Variants in MPPED1 observed in about 807,000 individuals in gnomAD.
MPPED1 encodes the protein metallophosphoesterase domain containing 1, also known as metallophosphoesterase domain-containing protein 1.
In MPPED1, 16 loss-of-function variants were observed where a neutral mutation model predicts 36.2. The ratio of observed to expected loss-of-function variants is 0.44; its 90% CI spans 0.30 to 0.67. The LOEUF (loss-of-function observed/expected upper bound fraction) is 0.67, where lower values mean the gene tolerates loss of function less well. MPPED1 is among the 30% of genes least tolerant of loss of function. MPPED1 has a pLI of 0.10. For missense variants in MPPED1, 307 were observed against 453.4 expected, an observed-to-expected ratio of 0.68 and a Z score of 2.93; for synonymous variants, 199 against 191.3, an observed-to-expected ratio of 1.04 and a Z score of -0.33.
At position 43,445,558 on chromosome 22, in the gene MPPED1, C is replaced by CTTT. The variant is rs135055; in HGVS notation, c.406+10360_406+10362dup. Reference sequence around the variant, plus strand: ...CTATATCTTTGCTGTCTGATGTTTCCTTTTTTTTTTTTTTTTTTTGCAGAC... The same window carrying CTTT: ...CTATATCTTTGCTGTCTGATGTTTCCTTTTTTTTTTTTTTTTTTTTTTGCAGAC... On this transcript the variant is annotated intron_variant, in intron 3 of 6. Transcript: ENST00000443721. Among the ~76,000 whole-genome samples, 453 of 123,816 alleles carry CTTT rather than the reference C, an allele frequency of 3.7e-3. 6 individuals are homozygous for CTTT. The highest frequency in any genetic ancestry group is 0.011 in the East Asian group (44 of 3,942). 81.2% of individuals were successfully genotyped at this position (123,816 alleles called of 152,430 possible). A position where few individuals can be genotyped will look rare whatever the true frequency, so the allele number is the denominator to read the frequency against.
chr22:43,418,069 C>T, intron 1 of MPPED1: 1 of 456,264 alleles, frequency 2.2e-6, no homozygotes, highest in South Asian at 1.5e-5. Flanking sequence ...TTATGCTAGC[C>T]CCCCAGTGAT....
At chr22:43,429,412 G>A (rs1929596342) in intron 2 of MPPED1, among the ~76,000 whole-genome samples, 1 of 152,226 alleles carries the variant, frequency 6.6e-6, no homozygotes, top group Admixed American at 6.5e-5. Context: ...CAACAGATGC[G>A]GTGGCTGCTT....
At chr22:43,444,675 A>AT (rs763675480) in intron 3 of MPPED1, among the ~76,000 whole-genome samples, 6 of 150,976 alleles carry the variant, frequency 4.0e-5, no homozygotes, top group South Asian at 2.1e-4. Context: ...TTATTTCTTT[A>AT]TTTTTTTTGA....
intron 3 of MPPED1, among the ~76,000 whole-genome samples, chr22:43,443,774 A>C (rs1042441478): frequency 1.8e-4 from 28 of 152,170 alleles, no homozygotes; most frequent in Non-Finnish European, 4.4e-5. Context: ...CCTGATTCAG[A>C]CATTTCCAGA....
intron 3 of MPPED1, among the ~76,000 whole-genome samples, chr22:43,443,762 G>A (rs912486814): frequency 2.2e-4 from 34 of 151,974 alleles, no homozygotes; most frequent in African/African-American, 7.2e-4. Context: ...CTGTTGCTAC[G>A]GCCTGATTCA....
At position 43,502,582 on chromosome 22, in the gene MPPED1, G is replaced by A. The variant is rs534825206; in HGVS notation, c.749-62G>A. ...CAGGCTGCAGAAGCTGCTGCTAGGC[G>A]TGGGGCAGTGAGGGGCTGGGACAGA... On this transcript the variant is annotated intron_variant, in intron 5 of 6. Transcript: ENST00000443721. This position sits in a 1 kb window ranked among gnomAD's most constrained non-coding sequence, Gnocchi z 5.5. The A allele has an allele frequency of 1.2e-4, 164 of 1,330,610 alleles. No homozygotes were observed. The highest frequency in any genetic ancestry group is 8.6e-4 in the South Asian group (73 of 85,018). The allele number at this position is 1,330,610 out of a possible 1,614,324, so 82.4% of individuals were successfully genotyped here.
chr22:43,455,912 A>T (rs1175983343), intron 3 of MPPED1, among the ~76,000 whole-genome samples: 4 of 152,174 alleles, frequency 2.6e-5, no homozygotes, highest in Non-Finnish European at 5.9e-5. Flanking sequence ...GTATCCTTTC[A>T]CTGCTCTGGG....
intron 2 of MPPED1, among the ~76,000 whole-genome samples, chr22:43,432,372 AG>A (rs1929729018): frequency 1.7e-5 from 2 of 116,432 alleles, no homozygotes; most frequent in African/African-American, 3.9e-5. Context: ...AAAGGGAGAG[AG>A]AAAGGGAGGA....
At chr22:43,492,864 G>A (rs138426351) in intron 4 of MPPED1, among the ~76,000 whole-genome samples, 543 of 152,288 alleles carry the variant, frequency 3.6e-3, no homozygotes, top group Non-Finnish European at 6.1e-3. Context: ...TGGGGGTTCT[G>A]GGGCTTTTCT....
chr22:43,502,957 A>G lies in MPPED1; in HGVS notation c.862+200A>G, dbSNP rs1016188175. Among the ~76,000 whole-genome samples, 2 of 152,140 alleles carry G rather than the reference A, an allele frequency of 1.3e-5. No homozygotes were observed. The highest frequency in any genetic ancestry group is 2.9e-5 in the Non-Finnish European group (2 of 68,008). Reference sequence around the variant, plus strand: ...TTAATAATAGGAAGATGATCACAACATCCTGCATGACTTAGGGGGTAAATT... The same window carrying G: ...TTAATAATAGGAAGATGATCACAACGTCCTGCATGACTTAGGGGGTAAATT... On this transcript the variant is annotated intron_variant, in intron 6 of 6. Transcript: ENST00000443721. The surrounding 1 kb of genome is among the most constrained non-coding windows in gnomAD (Gnocchi z 5.5).
At position 43,425,010 on chromosome 22, in the gene MPPED1, A is replaced by G. The variant is rs1317273424; in HGVS notation, c.25A>G (p.Ser9Gly). 2 of 1,605,532 alleles carry G rather than the reference A, an allele frequency of 1.2e-6. No homozygotes were observed. Among genetic ancestry groups the G allele is most frequent in the South Asian group, 1.1e-5 (1 of 89,860 alleles). MWRSRWDA[S>G]VLKAEALALL... ...CATGTGGCGCTCTAGGTGGGATGCC[A>G]GCGTCCTGAAGGCGGAGGCCCTGGC... Residue 9 changes from serine (S) to glycine (G), a missense_variant, in exon 2 of 7, where the codon AGC becomes GGC. By Grantham distance (56) the Ser-to-Gly change is moderately conservative. Around this residue, in one of 3 missense-constraint regions of MPPED1, gnomAD observed 169 missense variants for 212.3 expected, o/e 0.80. Coordinates refer to ENST00000443721, the MANE Select transcript of MPPED1 (RefSeq NM_001044370.2).
At chr22:43,420,393 C>A (rs1293700665) in intron 1 of MPPED1, among the ~76,000 whole-genome samples, 1 of 151,742 alleles carries the variant, frequency 6.6e-6, no homozygotes, top group Non-Finnish European at 1.5e-5. Context: ...TGAGGTGATG[C>A]CGCTTCAGAT....
chr22:43,492,985 C>T (rs540151508), intron 4 of MPPED1, among the ~76,000 whole-genome samples: 3 of 152,342 alleles, frequency 2.0e-5, no homozygotes, highest in African/African-American at 4.8e-5. Flanking sequence ...TCAGTCCCCT[C>T]TCACCCACCA....
At chr22:43,413,541 C>T (rs6003189) in intron 1 of MPPED1, among the ~76,000 whole-genome samples, 3,810 of 152,264 alleles carry the variant, frequency 0.025, 67 homozygotes, top group Middle Eastern at 0.048. Context: ...TGGATTCGGC[C>T]GGGCTGAGGC....
At chr22:43,491,360 G>T (rs1053757975) in intron 4 of MPPED1, among the ~76,000 whole-genome samples, 1 of 152,118 alleles carries the variant, frequency 6.6e-6, no homozygotes, top group Non-Finnish European at 1.5e-5. Flanking sequence ...TGATGATGTT[G>T]ATGTTGATAA....
At chr22:43,495,774 A>T (rs1386389721) in intron 4 of MPPED1, among the ~76,000 whole-genome samples, 1 of 7,974 alleles carries the variant, frequency 1.3e-4, no homozygotes, top group African/African-American at 2.1e-3. Context: ...GTGGTGGTGG[A>T]GATGGTGGTG....
chr22:43,447,146 C>T (rs780220130), intron 3 of MPPED1, among the ~76,000 whole-genome samples: 2 of 152,110 alleles, frequency 1.3e-5, no homozygotes, highest in East Asian at 1.9e-4. Flanking sequence ...CAGGTTCCCT[C>T]GTGTGAGTCT....
intron 6 of MPPED1, among the ~76,000 whole-genome samples, chr22:43,504,330 A>G (rs933533716): frequency 6.6e-6 from 1 of 151,864 alleles, no homozygotes; most frequent in Non-Finnish European, 1.5e-5. Context: ...TCATGATGAC[A>G]TCAGTGATGG....
intron 3 of MPPED1, among the ~76,000 whole-genome samples, chr22:43,459,062 C>A (rs1930853933): frequency 6.6e-6 from 1 of 151,820 alleles, no homozygotes; most frequent in East Asian, 1.9e-4. Context: ...CTATTGTTTC[C>A]TTTTCTTTTT....
Sources: allele counts gnomAD v4.1 joint callset (sites outside exome capture counted in the v4.1 genomes callset), GRCh38; gene constraint gnomAD v4.1.1; regional missense constraint gnomAD v4.1.1; non-coding constraint Gnocchi (gnomAD v3.1); transcripts MANE v1.5; gene names NCBI Gene and HGNC (gene_info 2026-07-23, HGNC 2026-07-21).